Variants in HS3ST4 observed in about 807,000 individuals in gnomAD.
HS3ST4 encodes the protein heparan sulfate-glucosamine 3-sulfotransferase 4.
HS3ST4 carries 17 observed loss-of-function variants against 29.2 expected under a neutral mutation model. The ratio of observed to expected loss-of-function variants is 0.58; its 90% CI spans 0.40 to 0.87. HS3ST4 has a LOEUF of 0.87. HS3ST4 is among the 40% of genes least tolerant of loss of function. The pLI is 0.00. For synonymous variants in HS3ST4, 314 were observed against 285.7 expected, an observed-to-expected ratio of 1.10 and a Z score of -1.00; for missense variants, 627 against 634.5, an observed-to-expected ratio of 0.99 and a Z score of 0.13.
chr16:25,902,941 A>T (rs1968133516), intron 1 of HS3ST4, among the ~76,000 whole-genome samples: 1 of 151,804 alleles, frequency 6.6e-6, no homozygotes, highest in Admixed American at 6.6e-5. Context: ...ATACAAAAAA[A>T]TACAAAAATT....
intron 1 of HS3ST4, among the ~76,000 whole-genome samples, chr16:26,005,443 G>A (rs899149682): frequency 6.6e-6 from 1 of 152,096 alleles, no homozygotes; most frequent in Non-Finnish European, 1.5e-5. Flanking sequence ...TAGCATTTAC[G>A]CTAATCAGCA....
intron 1 of HS3ST4, among the ~76,000 whole-genome samples, chr16:26,042,206 T>C (rs1969641754): frequency 1.3e-5 from 2 of 152,204 alleles, no homozygotes; most frequent in Admixed American, 1.3e-4. Context: ...CCTCCCAGAC[T>C]GAATGTTGAC....
At chr16:26,078,662 G>A (rs978953725) in intron 1 of HS3ST4, among the ~76,000 whole-genome samples, 3 of 152,148 alleles carry the variant, frequency 2.0e-5, no homozygotes, top group African/African-American at 7.2e-5. Flanking sequence ...ATCTAGTCTT[G>A]AATATAGATT....
intron 1 of HS3ST4, among the ~76,000 whole-genome samples, chr16:26,005,077 A>G (rs1969245832): frequency 6.6e-6 from 1 of 152,200 alleles, no homozygotes; most frequent in African/African-American, 2.4e-5. Flanking sequence ...TCTTAAAGAA[A>G]AAGGATTCTC....
intron 1 of HS3ST4, among the ~76,000 whole-genome samples, chr16:26,110,021 C>T (rs1428035982): frequency 6.6e-5 from 10 of 152,052 alleles, no homozygotes; most frequent in Non-Finnish European, 2.9e-5. Context: ...ACTTTGTACC[C>T]ATTGACCGAT....
At chr16:25,818,876 A>AGGAT (rs913349572) in intron 1 of HS3ST4, among the ~76,000 whole-genome samples, 65 of 152,086 alleles carry the variant, frequency 4.3e-4, no homozygotes, top group African/African-American at 1.3e-3. Flanking sequence ...CTGAAGACAG[A>AGGAT]GGATGGATTC....
chr16:25,924,086 A>G (rs1369864778), intron 1 of HS3ST4, among the ~76,000 whole-genome samples: 1 of 151,938 alleles, frequency 6.6e-6, no homozygotes, highest in Non-Finnish European at 1.5e-5. Flanking sequence ...CAAAGACTAG[A>G]CTCATAACCT....
rs138497433 is a variant in HS3ST4 at position 25,799,777 on chromosome 16, T to G, written c.734+106626T>G. 1.7e-3 allele frequency among the ~76,000 whole-genome samples: 261 copies of G among 152,302 alleles called. 2 individuals are homozygous for G. The highest frequency in any genetic ancestry group is 6.0e-3 in the African/African-American group (250 of 41,564). On this transcript the variant is annotated intron_variant, in intron 1 of 1. Coordinates refer to ENST00000331351, the MANE Select transcript of HS3ST4 (RefSeq NM_006040.3). ...AAAGTTCTTAGAATTCTGCCTGCCG[T>G]GTATTAAGTGCTTAATGTTGATAGT...
Position 25,722,039 on chromosome 16 carries a change from C to T in HS3ST4, c.734+28888C>T, listed in dbSNP as rs80118970. Among the ~76,000 whole-genome samples the T allele has an allele frequency of 6.8e-3, 1,038 of 152,262 alleles. 17 individuals are homozygous for T. The highest frequency in any genetic ancestry group is 0.024 in the African/African-American group (990 of 41,550). On this transcript the variant is annotated intron_variant, in intron 1 of 1. Transcript: ENST00000331351. ...TTTATTAAACTCTGAAAGAAGATTTCGATCCTTTGTTGTCAGTGTTCTGTT... is the reference window on the plus strand; with the variant it reads ...TTTATTAAACTCTGAAAGAAGATTTTGATCCTTTGTTGTCAGTGTTCTGTT...
chr16:25,830,942 A>C (rs1215393590), intron 1 of HS3ST4, among the ~76,000 whole-genome samples: 1 of 152,106 alleles, frequency 6.6e-6, no homozygotes, highest in Non-Finnish European at 1.5e-5. Context: ...TCTCAGGATC[A>C]ACTCTAAACT....
intron 1 of HS3ST4, among the ~76,000 whole-genome samples, chr16:25,782,061 A>G (rs1966853123): frequency 6.6e-6 from 1 of 152,208 alleles, no homozygotes; most frequent in African/African-American, 2.4e-5. Context: ...ATTTACAATC[A>G]TGGCAGAAGG....
intron 1 of HS3ST4, among the ~76,000 whole-genome samples, chr16:25,906,661 T>C (rs1482870106): frequency 6.6e-6 from 1 of 152,228 alleles, no homozygotes; most frequent in Non-Finnish European, 1.5e-5. Flanking sequence ...CTGTTTAAGA[T>C]AATCAGGAAA....
chr16:25,800,084 T>TCCTTCCTGCCTTCCTTCCTTCCTG (rs1369829334), intron 1 of HS3ST4, among the ~76,000 whole-genome samples: 2 of 147,884 alleles, frequency 1.4e-5, no homozygotes, highest in Admixed American at 6.7e-5. Flanking sequence ...CTTCCTTCCT[T>TCCTTCCTGCCTTCCTTCCTTCCTG]CCTTCCTGCC....
intron 1 of HS3ST4, among the ~76,000 whole-genome samples, chr16:26,043,408 G>A (rs1969652602): frequency 6.6e-6 from 1 of 152,184 alleles, no homozygotes; most frequent in Non-Finnish European, 1.5e-5. Context: ...AATACTGGAA[G>A]GCTAATAGCA....
intron 1 of HS3ST4, among the ~76,000 whole-genome samples, chr16:25,811,749 G>T (rs923351088): frequency 3.3e-5 from 5 of 151,876 alleles, no homozygotes; most frequent in African/African-American, 1.2e-4. Flanking sequence ...ATTTTCTTTT[G>T]TCTAGCTTAC....
chr16:25,701,476 G>T (rs553491559), intron 1 of HS3ST4, among the ~76,000 whole-genome samples: 82 of 152,224 alleles, frequency 5.4e-4, no homozygotes, highest in Middle Eastern at 3.4e-3. Flanking sequence ...AGAAAGAGGG[G>T]TTCAAGGGTG....
intron 1 of HS3ST4, among the ~76,000 whole-genome samples, chr16:25,881,709 T>G (rs1967897976): frequency 1.3e-5 from 2 of 152,212 alleles, no homozygotes; most frequent in African/African-American, 4.8e-5. Flanking sequence ...GATGGTCACT[T>G]GGCTTCCTAG....
At chr16:25,899,671 A>ATT (rs561490560) in intron 1 of HS3ST4, among the ~76,000 whole-genome samples, 13,974 of 142,808 alleles carry the variant, frequency 0.098, 704 homozygotes, top group Non-Finnish European at 0.11. Flanking sequence ...ACGCTCAGCT[A>ATT]TTTTTTTTTT....
intron 1 of HS3ST4, among the ~76,000 whole-genome samples, chr16:26,037,504 G>A (rs373267119): frequency 6.6e-6 from 1 of 152,178 alleles, no homozygotes; most frequent in Non-Finnish European, 1.5e-5. Context: ...GAGAAGTGGA[G>A]GGCAGACAGA....
Sources: gnomAD v4.1 joint callset for allele counts (sites outside exome capture counted in the v4.1 genomes callset) on GRCh38, gnomAD v4.1.1 for gene constraint, MANE v1.5 for transcripts, NCBI Gene and HGNC (gene_info 2026-07-23, HGNC 2026-07-21) for gene names.